The following LARGE1 variants were observed in gnomAD, a reference collection of about 807,000 sequenced individuals.
LARGE1 encodes LARGE xylosyl- and glucuronyltransferase 1, also known as xylosyl- and glucuronyltransferase LARGE1.
LARGE1 carries 43 observed loss-of-function variants against 87.6 expected under a neutral mutation model. The observed-to-expected ratio is 0.49, with a 90% CI of 0.38 to 0.63. The LOEUF (loss-of-function observed/expected upper bound fraction) is 0.63. Ranked by LOEUF, LARGE1 falls within the 30% of genes least tolerant of loss-of-function variation. The pLI is 0.00. For missense variants in LARGE1, 802 were observed against 1,000.2 expected, an observed-to-expected ratio of 0.80 and a Z score of 2.67; for synonymous variants, 434 against 394.6, an observed-to-expected ratio of 1.10 and a Z score of -1.18.
intron 13 of LARGE1, among the ~76,000 whole-genome samples, chr22:33,277,997 G>A (rs1474808248): frequency 1.3e-5 from 2 of 152,164 alleles, no homozygotes; most frequent in African/African-American, 4.8e-5. Flanking sequence ...GAACCTGTGA[G>A]TATGTATGTG....
chr22:33,154,169 GAA>G, the LARGE1 span, among the ~76,000 whole-genome samples: 3 of 139,758 alleles, frequency 2.1e-5, no homozygotes, highest in South Asian at 2.3e-4. Flanking sequence ...TTGTTATATG[GAA>G]AAAAAAAAAA....
chr22:33,089,100 A>G, the LARGE1 span, among the ~76,000 whole-genome samples: 1 of 151,972 alleles, frequency 6.6e-6, no homozygotes, highest in Admixed American at 6.6e-5. Flanking sequence ...GGTCATTGCA[A>G]CTCCAGATCC....
chr22:33,184,416 C>T (rs1923365105), intron 11 of LARGE1, among the ~76,000 whole-genome samples: 1 of 151,314 alleles, frequency 6.6e-6, no homozygotes, highest in Admixed American at 6.6e-5. Flanking sequence ...TATGTCATAT[C>T]ACTACTATTG....
At chr22:33,331,429 C>T (rs1220738530) in intron 10 of LARGE1, among the ~76,000 whole-genome samples, 20 of 132,626 alleles carry the variant, frequency 1.5e-4, no homozygotes, top group African/African-American at 3.5e-4. Context: ...TTTTTTTTGA[C>T]GGAGTCTTGC....
At position 33,450,262 on chromosome 22, in the gene LARGE1, C is replaced by CA. The variant is rs535771225; in HGVS notation, c.788-17998dup. Among the ~76,000 whole-genome samples, 24 of 152,096 alleles carry CA rather than the reference C, an allele frequency of 1.6e-4. No individual in the cohort carries two copies. The South Asian group carries it at 4.6e-3, about 29-fold the overall frequency. On this transcript the variant is annotated intron_variant, in intron 6 of 14. Coordinates refer to ENST00000397394, the MANE Select transcript of LARGE1 (RefSeq NM_133642.5). Reference sequence around the variant, plus strand: ...TGATGCAGCATCACATCACAGGAATCAGAGTTGCAAGGGCCTGTAGGATAT... The same window carrying CA: ...TGATGCAGCATCACATCACAGGAATCAAGAGTTGCAAGGGCCTGTAGGATAT...
chr22:33,253,641 G>C (rs975730210), intron 11 of LARGE1, among the ~76,000 whole-genome samples: 11 of 152,214 alleles, frequency 7.2e-5, no homozygotes, highest in Admixed American at 6.5e-4. Context: ...GAACCCGGAA[G>C]GTGGAGGTTG....
the LARGE1 span, among the ~76,000 whole-genome samples, chr22:33,112,636 C>G: frequency 2.0e-5 from 3 of 152,100 alleles, no homozygotes; most frequent in Non-Finnish European, 4.4e-5. Flanking sequence ...TGAGGAAGGA[C>G]AGAGAGAGGT....
intron 1 of LARGE1, among the ~76,000 whole-genome samples, chr22:33,899,335 C>T (rs1272802984): frequency 6.6e-6 from 1 of 152,158 alleles, no homozygotes; most frequent in Non-Finnish European, 1.5e-5. Context: ...CTGGGTTTAA[C>T]GGATCATCAA....
Position 33,833,596 on chromosome 22 carries a change from T to C in LARGE1, c.-82-72038A>G, listed in dbSNP as rs1225034373. 2.0e-5 allele frequency among the ~76,000 whole-genome samples: 3 copies of C among 152,228 alleles called. No homozygotes were observed. In the South Asian group the frequency reaches 6.2e-4, roughly 32 times the overall value. On this transcript the variant is annotated intron_variant, in intron 1 of 14. Transcript: ENST00000397394. ...TATTTTTATCATTTAAGCCACCCAG[T>C]CTGTGGTACCTTGTTACGATAGGGC...
intron 1 of LARGE1, among the ~76,000 whole-genome samples, chr22:33,764,417 C>T (rs1448084519): frequency 6.6e-6 from 1 of 152,084 alleles, no homozygotes; most frequent in Non-Finnish European, 1.5e-5. Flanking sequence ...CTACACCTAT[C>T]CTCCTATATA....
In LARGE1 at chr22:33,377,299, C is replaced by T. The variant is rs528372427; in HGVS notation, c.1131+4620G>A. On this transcript the variant is annotated intron_variant, in intron 9 of 14. Coordinates refer to ENST00000397394, the MANE Select transcript of LARGE1 (RefSeq NM_133642.5). The stretch of plus-strand genomic sequence containing the variant: ...CACACAAAATAAAAACTTCTGCAGG[C>T]ACGTCTGCCCAGCAACTGCCTGTCC... 4.6e-5 allele frequency among the ~76,000 whole-genome samples: 7 copies of T among 152,358 alleles called. No homozygotes were observed. The East Asian group carries it at 1.4e-3, about 29-fold the overall frequency.
intron 2 of LARGE1, among the ~76,000 whole-genome samples, chr22:33,655,647 G>A (rs1356834686): frequency 2.6e-5 from 4 of 152,128 alleles, no homozygotes; most frequent in Admixed American, 2.0e-4. Flanking sequence ...ATAGAAGGAC[G>A]AACAACGGCC....
At chr22:33,536,835 G>T (rs888745749) in intron 6 of LARGE1, among the ~76,000 whole-genome samples, 2 of 152,302 alleles carry the variant, frequency 1.3e-5, no homozygotes, top group East Asian at 1.9e-4. Flanking sequence ...TTTTGAGACA[G>T]AGTTTCACTC....
chr22:33,415,440 A>C (rs1230627432), intron 7 of LARGE1, among the ~76,000 whole-genome samples: 5 of 152,166 alleles, frequency 3.3e-5, no homozygotes, highest in African/African-American at 1.2e-4. Flanking sequence ...CATTGCATAC[A>C]TATTCTCTCC....
chr22:33,361,757 A>AGAG (rs1197482152), intron 9 of LARGE1, among the ~76,000 whole-genome samples: 3 of 149,266 alleles, frequency 2.0e-5, no homozygotes, highest in Non-Finnish European at 3.0e-5. Flanking sequence ...CCTCCTCTTT[A>AGAG]GAGTCCCTCC....
At chr22:33,266,879 G>A (rs1927976984) in intron 11 of LARGE1, among the ~76,000 whole-genome samples, 1 of 150,180 alleles carries the variant, frequency 6.7e-6, no homozygotes, top group Non-Finnish European at 1.5e-5. Flanking sequence ...AAAAAAAAAA[G>A]AGTTTGATTT....
At chr22:33,559,279 T>G (rs933325363) in intron 6 of LARGE1, among the ~76,000 whole-genome samples, 3 of 152,204 alleles carry the variant, frequency 2.0e-5, no homozygotes, top group Non-Finnish European at 2.9e-5. Flanking sequence ...CCTCCCGGTT[T>G]CAAGTGATTC....
At chr22:33,582,024 G>A (rs2148875033) in intron 5 of LARGE1, among the ~76,000 whole-genome samples, 1 of 152,274 alleles carries the variant, frequency 6.6e-6, no homozygotes, top group South Asian at 2.1e-4. Flanking sequence ...CACCTGCCTA[G>A]AGCGTGGGGT....
chr22:33,588,121 C>A lies in LARGE1; in HGVS notation c.615+16314G>T, dbSNP rs546879856. ...TACCAAGACTTCTTCATTCAAACAC[C>A]TGGTTAGAGCCAACTATGAGCAAGC... On this transcript the variant is annotated intron_variant, in intron 5 of 14. Transcript: ENST00000397394. 2.6e-5 allele frequency among the ~76,000 whole-genome samples: 4 copies of A among 152,274 alleles called. No homozygotes were observed. The South Asian group carries it at 8.3e-4, about 32-fold the overall frequency.
Sources: allele counts gnomAD v4.1 joint callset (sites outside exome capture counted in the v4.1 genomes callset), GRCh38; gene constraint gnomAD v4.1.1; transcripts MANE v1.5; gene names NCBI Gene and HGNC (gene_info 2026-07-23, HGNC 2026-07-21).